The following NCAM2 variants were observed in gnomAD, a reference collection of about 807,000 sequenced individuals.
The protein encoded by NCAM2 is N-CAM-2.
In NCAM2, 30 loss-of-function variants were observed where a neutral mutation model predicts 98.1. That is an observed-to-expected ratio of 0.31 (90% confidence interval 0.23 to 0.41). NCAM2 has a LOEUF of 0.41. Among genes scored for constraint, NCAM2 ranks in the 10% least tolerant of loss-of-function variants. The probability of loss-of-function intolerance (pLI) is 1.00; values close to 1 mark genes in which losing one functional copy is unlikely to be tolerated. For missense variants in NCAM2, 867 were observed against 1,005.8 expected (o/e 0.86, Z 1.87); for synonymous variants, 368 against 342.4 (o/e 1.07, Z -0.83).
rs563510684 is a variant in NCAM2, at chr21:21,064,621, G to T, written c.55+66003G>T. Among the ~76,000 whole-genome samples, 37 of 152,280 alleles carry T rather than the reference G, an allele frequency of 2.4e-4. No individual in the cohort carries two copies. In the South Asian group the frequency reaches 7.7e-3, roughly 32 times the overall value. ...CCCTCAGGGTTCATCACTCTGAGATGTGTCATTTTTTAAAATCAATTTGGC... is the reference window on the plus strand; with the variant it reads ...CCCTCAGGGTTCATCACTCTGAGATTTGTCATTTTTTAAAATCAATTTGGC... On this transcript the variant is annotated intron_variant, in intron 1 of 17. Coordinates refer to ENST00000400546, the MANE Select transcript of NCAM2 (RefSeq NM_004540.5).
chr21:21,457,407 C>T (rs550562078), intron 12 of NCAM2, among the ~76,000 whole-genome samples: 5 of 152,100 alleles, frequency 3.3e-5, no homozygotes, highest in South Asian at 4.2e-4. Flanking sequence ...TTTGGAAGGC[C>T]GAGGCGGGCA....
chr21:21,193,033 T>A (rs1014407692), intron 1 of NCAM2, among the ~76,000 whole-genome samples: 1 of 152,168 alleles, frequency 6.6e-6, no homozygotes, highest in Non-Finnish European at 1.5e-5. Flanking sequence ...CAGATTAACT[T>A]TTCTATTTAA....
intron 1 of NCAM2, among the ~76,000 whole-genome samples, chr21:21,184,829 A>G (rs781073687): frequency 5.9e-5 from 9 of 152,112 alleles, no homozygotes; most frequent in Admixed American, 2.0e-4. Flanking sequence ...AGGAAGAGAA[A>G]ATGAATTTTA....
intron 15 of NCAM2, among the ~76,000 whole-genome samples, chr21:21,494,396 T>TG (rs1296258572): frequency 3.3e-5 from 5 of 151,508 alleles, no homozygotes; most frequent in African/African-American, 1.2e-4. Context: ...ATTGGTCAGG[T>TG]GGGGGCTTAA....
At chr21:21,388,071 A>G (rs534907216) in intron 9 of NCAM2, among the ~76,000 whole-genome samples, 2 of 152,320 alleles carry the variant, frequency 1.3e-5, no homozygotes, top group East Asian at 3.9e-4. Flanking sequence ...GTATGGATCC[A>G]GTAACACATA....
intron 15 of NCAM2, among the ~76,000 whole-genome samples, chr21:21,494,555 T>C (rs1430287350): frequency 6.6e-6 from 1 of 151,128 alleles, no homozygotes; most frequent in African/African-American, 2.5e-5. Context: ...TCCATCAAAG[T>C]CAACCAGAAA....
chr21:21,499,957 C>G (rs1314498616), intron 15 of NCAM2, among the ~76,000 whole-genome samples: 1 of 151,912 alleles, frequency 6.6e-6, no homozygotes, highest in African/African-American at 2.4e-5. Flanking sequence ...ATCAACTCAT[C>G]TTTTTATTTT....
intron 11 of NCAM2, among the ~76,000 whole-genome samples, chr21:21,425,898 G>A (rs2077205188): frequency 6.6e-6 from 1 of 152,072 alleles, no homozygotes; most frequent in Admixed American, 6.6e-5. Flanking sequence ...AAATATATTA[G>A]ACTCTGTAAT....
intron 14 of NCAM2, among the ~76,000 whole-genome samples, chr21:21,470,725 A>T (rs753841877): frequency 7.2e-5 from 11 of 151,938 alleles, no homozygotes; most frequent in Non-Finnish European, 1.3e-4. Flanking sequence ...GTGCTAGAGG[A>T]TCTGTTTTTC....
At chr21:21,436,761 T>C (rs1419869650) in intron 12 of NCAM2, among the ~76,000 whole-genome samples, 3 of 132,444 alleles carry the variant, frequency 2.3e-5, no homozygotes, top group African/African-American at 8.9e-5. Context: ...AGAAGCAACT[T>C]TTTTTTTCTT....
At chr21:21,093,939 A>G (rs1341670887) in intron 1 of NCAM2, among the ~76,000 whole-genome samples, 1 of 151,990 alleles carries the variant, frequency 6.6e-6, no homozygotes, top group Non-Finnish European at 1.5e-5. Context: ...TCTCAAGGAA[A>G]CATTTTCCTC....
Position 21,122,440 on chromosome 21 carries a change from AT to A in NCAM2, c.55+123824del, listed in dbSNP as rs148702335. ...TTCCCATGATGCATTGTCTCATTAT[AT>A]TCATTGTGAATTTCCACAATAATGC... On this transcript the variant is annotated intron_variant, in intron 1 of 17. Transcript: ENST00000400546. Among the ~76,000 whole-genome samples, 1,425 of 152,344 alleles carry A rather than the reference AT, an allele frequency of 9.4e-3. 28 individuals carry two copies. The highest frequency in any genetic ancestry group is 0.032 in the African/African-American group (1,316 of 41,570).
chr21:21,440,554 G>A (rs1381132331), intron 12 of NCAM2, among the ~76,000 whole-genome samples: 3 of 151,896 alleles, frequency 2.0e-5, no homozygotes, highest in East Asian at 1.9e-4. Flanking sequence ...GGTGGCAGGC[G>A]CCTGTGGTCC....
At chr21:21,067,966 A>T (rs2065475219) in intron 1 of NCAM2, among the ~76,000 whole-genome samples, 1 of 152,062 alleles carries the variant, frequency 6.6e-6, no homozygotes, top group South Asian at 2.1e-4. Flanking sequence ...CTTGTCTTCC[A>T]AAAAGTGCTA....
chr21:21,338,322 A>C (rs1602029511), intron 7 of NCAM2, 67 bp from the exon 8 acceptor site: 2 of 1,450,542 alleles, frequency 1.4e-6, no homozygotes, highest in East Asian at 4.6e-5. Flanking sequence ...AACACCCATC[A>C]TGACTTTTGT....
chr21:21,250,661 A>G (rs1404240564), intron 1 of NCAM2, among the ~76,000 whole-genome samples: 2 of 152,196 alleles, frequency 1.3e-5, no homozygotes, highest in African/African-American at 4.8e-5. Flanking sequence ...CATGTTTTTA[A>G]AAAACAACGT....
intron 1 of NCAM2, among the ~76,000 whole-genome samples, chr21:21,264,907 T>TGC (rs1555846819): frequency 8.9e-6 from 1 of 112,636 alleles, no homozygotes; most frequent in Non-Finnish European, 1.8e-5. Flanking sequence ...TGTATATATA[T>TGC]ACACATATAT....
intron 9 of NCAM2, among the ~76,000 whole-genome samples, chr21:21,393,945 A>G (rs867060395): frequency 7.9e-5 from 12 of 152,274 alleles, no homozygotes; most frequent in Middle Eastern, 6.8e-3. Flanking sequence ...TGAATAATTC[A>G]CCTTACTTAT....
At chr21:21,339,909 A>G (rs115083284) in intron 8 of NCAM2, among the ~76,000 whole-genome samples, 2,630 of 151,864 alleles carry the variant, frequency 0.017, 77 homozygotes, top group African/African-American at 0.06. Context: ...TACTATTTTG[A>G]TATACTTATT....
Sources: gnomAD v4.1 joint callset for allele counts (sites outside exome capture counted in the v4.1 genomes callset) on GRCh38, gnomAD v4.1.1 for gene constraint, MANE v1.5 for transcripts, NCBI Gene and HGNC (gene_info 2026-07-23, HGNC 2026-07-21) for gene names.